UNC13C: variants seen among roughly 807,000 people sequenced by gnomAD.
UNC13C encodes unc-13 homolog C.
UNC13C carries 174 observed loss-of-function variants against 245.4 expected under a neutral mutation model. The observed-to-expected ratio is 0.71, with a 90% confidence interval of 0.63 to 0.80. The LOEUF is 0.80. UNC13C is among the 30% of genes least tolerant of loss of function. The probability of loss-of-function intolerance (pLI) is 0.00; values close to 1 mark genes in which losing one functional copy is unlikely to be tolerated. For missense variants in UNC13C, 2,829 were observed against 2,602.9 expected, an observed-to-expected ratio of 1.09 and a Z score of -1.89; for synonymous variants, 992 against 895.1, an observed-to-expected ratio of 1.11 and a Z score of -1.93.
At chr15:53,874,574 G>C in the UNC13C span, among the ~76,000 whole-genome samples, 3 of 152,130 alleles carry the variant, frequency 2.0e-5, no homozygotes, top group African/African-American at 7.2e-5. Context: ...TACCCAGAGA[G>C]GACAGGTGAA....
chr15:54,353,571 T>C (rs1333750073), intron 17 of UNC13C, among the ~76,000 whole-genome samples: 1 of 152,240 alleles, frequency 6.6e-6, no homozygotes, highest in Non-Finnish European at 1.5e-5. Context: ...GTTGGGCTTC[T>C]GCTAAAACTA....
At chr15:54,409,811 T>C (rs1468515173) in intron 18 of UNC13C, among the ~76,000 whole-genome samples, 1 of 152,192 alleles carries the variant, frequency 6.6e-6, no homozygotes, top group Non-Finnish European at 1.5e-5. Context: ...TCTATGTCTT[T>C]GTTATTATGT....
At chr15:54,514,982 A>G (rs899616572) in intron 24 of UNC13C, among the ~76,000 whole-genome samples, 4 of 152,122 alleles carry the variant, frequency 2.6e-5, no homozygotes, top group Admixed American at 1.3e-4. Flanking sequence ...AAAGCAAACC[A>G]CTAATTTTCT....
chr15:54,390,127 A>G (rs2039923471), intron 17 of UNC13C, among the ~76,000 whole-genome samples: 2 of 152,252 alleles, frequency 1.3e-5, no homozygotes, highest in South Asian at 4.1e-4. Flanking sequence ...GAATGAATAC[A>G]TTGAATGCCA....
At chr15:53,968,791 G>GT in the UNC13C span, among the ~76,000 whole-genome samples, 3 of 152,128 alleles carry the variant, frequency 2.0e-5, no homozygotes, top group Non-Finnish European at 4.4e-5. Context: ...TCCAGTTTTT[G>GT]TTTTCATTCA....
At chr15:54,486,751 T>G (rs1204312386) in intron 19 of UNC13C, among the ~76,000 whole-genome samples, 1 of 152,220 alleles carries the variant, frequency 6.6e-6, no homozygotes, top group East Asian at 1.9e-4. Flanking sequence ...AAAATACCCT[T>G]TCTCTTTCCA....
chr15:54,579,003 GAGC>G (rs1320308802), intron 30 of UNC13C, among the ~76,000 whole-genome samples: 1 of 152,180 alleles, frequency 6.6e-6, no homozygotes, highest in Non-Finnish European at 1.5e-5. Context: ...GACAAGACAG[GAGC>G]AGACAGACAA....
the UNC13C span, among the ~76,000 whole-genome samples, chr15:53,888,227 CT>C: frequency 1.3e-5 from 2 of 152,130 alleles, no homozygotes. Context: ...TGTTTCCTGA[CT>C]TTTTAATGAT....
intron 8 of UNC13C, among the ~76,000 whole-genome samples, chr15:54,254,421 A>C (rs2140873311): frequency 6.6e-6 from 1 of 152,360 alleles, no homozygotes; most frequent in South Asian, 2.1e-4. Flanking sequence ...TTAAGTAATG[A>C]GTACTCAGGA....
intron 4 of UNC13C, among the ~76,000 whole-genome samples, chr15:54,147,476 C>G (rs1190172358): frequency 2.0e-5 from 3 of 152,136 alleles, no homozygotes; most frequent in African/African-American, 7.2e-5. Context: ...GCCTCGGCCT[C>G]CCAAAGTGCT....
At chr15:54,047,401 T>G (rs1374345204) in intron 2 of UNC13C, among the ~76,000 whole-genome samples, 1 of 151,976 alleles carries the variant, frequency 6.6e-6, no homozygotes, top group South Asian at 2.1e-4. Flanking sequence ...CGTTAATCAA[T>G]AGCCAACCCC....
chr15:54,554,154 A>T (rs1023177726), intron 28 of UNC13C, among the ~76,000 whole-genome samples: 7 of 152,068 alleles, frequency 4.6e-5, no homozygotes, highest in African/African-American at 1.7e-4. Flanking sequence ...GTACAATCCA[A>T]TTACCAAAAA....
intron 17 of UNC13C, among the ~76,000 whole-genome samples, chr15:54,365,357 T>C (rs996115394): frequency 8.5e-5 from 13 of 152,292 alleles, no homozygotes; most frequent in Admixed American, 2.6e-4. Flanking sequence ...GGTCCCTGAA[T>C]TTAAAGTAGT....
At chr15:54,157,996 C>T (rs2032823070) in intron 4 of UNC13C, among the ~76,000 whole-genome samples, 2 of 152,186 alleles carry the variant, frequency 1.3e-5, no homozygotes, top group South Asian at 4.1e-4. Flanking sequence ...ATTGCCTACT[C>T]CAGCCCTCTA....
At chr15:54,040,697 G>T (rs890871712) in intron 2 of UNC13C, among the ~76,000 whole-genome samples, 22 of 152,152 alleles carry the variant, frequency 1.4e-4, no homozygotes, top group African/African-American at 5.1e-4. Context: ...AGGCCTGCTG[G>T]AAGTGAGTCA....
rs1215439286 is a variant in UNC13C, at chr15:54,015,559, C to T, written c.2656C>T (p.Leu886Phe). ...TTATGTTGAAGTCATGGAACAAGTC[C>T]TTGCTAAACTAGAAAACAGGACTAG... Reference protein sequence around the residue: ...TDYVEVMEQVLAKLENRTSIT... With the variant: ...TDYVEVMEQVFAKLENRTSIT... Residue 886 changes from leucine to phenylalanine, a missense_variant, in exon 2 of 33, where the codon CTT (leucine) becomes TTT (phenylalanine). Coordinates refer to ENST00000260323, the MANE Select transcript of UNC13C (RefSeq NM_001080534.3). 6.2e-7 allele frequency: 1 copy of T among 1,613,688 alleles called. No homozygotes were observed. The highest frequency in any genetic ancestry group is 1.3e-5 in the African/African-American group (1 of 75,010).
At chr15:54,059,508 A>G (rs1273320450) in intron 2 of UNC13C, among the ~76,000 whole-genome samples, 1 of 152,236 alleles carries the variant, frequency 6.6e-6, no homozygotes, top group African/African-American at 2.4e-5. Flanking sequence ...ATGGGTAGGA[A>G]GAATCAATAT....
At chr15:54,165,182 T>C (rs2033121465) in intron 4 of UNC13C, among the ~76,000 whole-genome samples, 1 of 152,112 alleles carries the variant, frequency 6.6e-6, no homozygotes, top group Admixed American at 6.6e-5. Flanking sequence ...CAGAAATACT[T>C]TAAAGAAATA....
intron 17 of UNC13C, among the ~76,000 whole-genome samples, chr15:54,357,149 A>T (rs2140855605): frequency 6.6e-6 from 1 of 152,178 alleles, no homozygotes. Flanking sequence ...TAAAAATCTC[A>T]TCCGATCTTT....
Sources: allele counts gnomAD v4.1 joint callset (sites outside exome capture counted in the v4.1 genomes callset), GRCh38; gene constraint gnomAD v4.1.1; transcripts MANE v1.5; gene names NCBI Gene and HGNC (gene_info 2026-07-23, HGNC 2026-07-21).